HERC2: variants seen among roughly 807,000 people sequenced by gnomAD.
The protein encoded by HERC2 is E3 ubiquitin-protein ligase HERC2.
A neutral mutation model predicts 537.7 loss-of-function variants in HERC2; 102 were observed. The observed-to-expected ratio is 0.19, with a 90% CI of 0.16 to 0.22. HERC2 has a LOEUF of 0.22. Ranked by LOEUF, HERC2 falls within the 10% of genes least tolerant of loss-of-function variation. The probability of loss-of-function intolerance (pLI) is 1.00; values close to 1 mark genes in which losing one functional copy is unlikely to be tolerated. For synonymous variants in HERC2, 2,224 were observed against 2,466.2 expected (o/e 0.90, Z 2.91); for missense variants, 4,236 against 6,198.2 (o/e 0.68, Z 10.63).
chr15:28,208,957 T>C lies in HERC2; in HGVS notation c.7069+2045A>G, dbSNP rs943568993. 6.6e-5 allele frequency among the ~76,000 whole-genome samples: 10 copies of C among 152,208 alleles called. No homozygotes were observed. In the South Asian group the frequency reaches 8.3e-4, roughly 13 times the overall value. ...GGACTTTCCCCGAAAAGACTTAGCATAATGTCTTTCAATAGCAGGAGATCA... is the reference window on the plus strand; with the variant it reads ...GGACTTTCCCCGAAAAGACTTAGCACAATGTCTTTCAATAGCAGGAGATCA... On this transcript the variant is annotated intron_variant, in intron 44 of 92. Coordinates refer to ENST00000261609, the MANE Select transcript of HERC2 (RefSeq NM_004667.6).
intron 37 of HERC2, 55 bp from the exon 38 acceptor site, chr15:28,218,726 G>C (rs1900196794): frequency 7.2e-7 from 1 of 1,384,674 alleles, no homozygotes; most frequent in Admixed American, 1.7e-5. Context: ...CTGGAAGATA[G>C]TCCTGCATAT....
Position 28,130,517 on chromosome 15 carries a change from T to C in HERC2, c.12648A>G (p.Gly4216=). The C allele has an allele frequency of 1.2e-6, 2 of 1,613,820 alleles. No homozygotes were observed. The highest frequency in any genetic ancestry group is 1.7e-6 in the Non-Finnish European group (2 of 1,179,800). The change falls in exon 82 of 93, where the codon GGA becomes GGG. Residue 4216 remains glycine (G), a synonymous_variant. Coordinates refer to ENST00000261609, the MANE Select transcript of HERC2 (RefSeq NM_004667.6). ...SQFSVALTKS[G]AVYTWGKGDY... is the part of the protein sequence containing the mutation. Reference sequence around the variant, plus strand: ...ATCTTGCGTACCAGGTATAAACAGCTCCAGATTTGGTAAGGGCAACAGAAA... The same window carrying C: ...ATCTTGCGTACCAGGTATAAACAGCCCCAGATTTGGTAAGGGCAACAGAAA...
chr15:28,211,075 C>G lies in HERC2; in HGVS notation c.6996G>C (p.Leu2332=), dbSNP rs549186409. The G allele has an allele frequency of 6.2e-6, 10 of 1,611,890 alleles. No individual in the cohort carries two copies. The South Asian group carries it at 6.6e-5, about 11-fold the overall frequency. ...KLYILKAGRA[L]LSHQDKLRQI... is the part of the protein sequence containing the mutation. ...GCCGCAGTTTATCCTGGTGGGAGAG[C>G]AGCGCCCGACCTGCTTTCAGGATGT... Residue 2332 remains leucine (L), a synonymous_variant, in exon 44 of 93, where the codon CTG becomes CTC. Transcript: ENST00000261609.
rs551327935 is a variant in HERC2 at position 28,284,919 on chromosome 15, G to GAAAAAA, written c.323-4638_323-4633dup. 5.2e-4 allele frequency among the ~76,000 whole-genome samples: 17 copies of GAAAAAA among 32,546 alleles called. 2 individuals carry two copies. Among genetic ancestry groups the GAAAAAA allele is most frequent in the East Asian group, 1.0e-3 (1 of 1,000 alleles). The allele number at this position is 32,546 out of a possible 152,430, so 21.4% of individuals were successfully genotyped here. On this transcript the variant is annotated intron_variant, in intron 4 of 92. Transcript: ENST00000261609. ...GCAAAAGGAGCGAAACTCCGTCTCG[G>GAAAAAA]AAAAAAAAAAAAAAAAAAAAAAAAA...
At chr15:28,312,946 A>C (rs1459512526) in intron 2 of HERC2, 1 of 165,606 alleles carries the variant, frequency 6.0e-6, no homozygotes, top group Admixed American at 6.6e-5. Context: ...TAACAGGCTC[A>C]CTTTTTGTTA....
intron 52 of HERC2, among the ~76,000 whole-genome samples, chr15:28,194,696 G>C (rs943792082): frequency 6.6e-6 from 1 of 152,168 alleles, no homozygotes; most frequent in African/African-American, 2.4e-5. Flanking sequence ...TGGATTTTAT[G>C]AACATTTTCT....
Position 28,113,364 on chromosome 15 carries a change from C to CA in HERC2, c.14020-82dup, listed in dbSNP as rs777762654. The CA allele has an allele frequency of 1.4e-6, 2 of 1,430,354 alleles. No homozygotes were observed. The highest frequency in any genetic ancestry group is 1.9e-6 in the Non-Finnish European group (2 of 1,027,110). The allele number at this position is 1,430,354 out of a possible 1,614,324, so 88.6% of individuals were successfully genotyped here. A position where few individuals can be genotyped will look rare whatever the true frequency, so the allele number is the denominator to read the frequency against. On this transcript the variant is annotated intron_variant, in intron 91 of 92. Coordinates refer to ENST00000261609, the MANE Select transcript of HERC2 (RefSeq NM_004667.6). The surrounding 1 kb of genome is among the most constrained non-coding windows in gnomAD (Gnocchi z 7.0). ...AAGACTCCGTCACGCTCCCTCTCTA[C>CA]ACCAAGGCCTGTTTGGGGTGGGGAA...
chr15:28,193,611 AAGCCC>A (rs1897059680), intron 52 of HERC2, among the ~76,000 whole-genome samples: 1 of 152,174 alleles, frequency 6.6e-6, no homozygotes, highest in Admixed American at 6.5e-5. Context: ...CATGCCCCAG[AAGCCC>A]TACCAACCCC....
At chr15:28,130,450 A>G (rs1889988974) in intron 82 of HERC2, 53 bp downstream of exon 82, 1 of 1,579,878 alleles carries the variant, frequency 6.3e-7, no homozygotes, top group African/African-American at 1.3e-5. Context: ...TGGTGCACAT[A>G]CCCCAATAAA....
In HERC2 at chr15:28,166,075, C is replaced by T. The variant is rs554085463; in HGVS notation, c.10554+1612G>A. On this transcript the variant is annotated intron_variant, in intron 68 of 92. Coordinates refer to ENST00000261609, the MANE Select transcript of HERC2 (RefSeq NM_004667.6). ...ATGATGGGAATATGCCAGAAGAACACATAAAATTCTACCAACTACTTAAAG... is the reference window on the plus strand; with the variant it reads ...ATGATGGGAATATGCCAGAAGAACATATAAAATTCTACCAACTACTTAAAG... 2.0e-5 allele frequency among the ~76,000 whole-genome samples: 3 copies of T among 152,254 alleles called. No individual in the cohort carries two copies. The South Asian group carries it at 6.2e-4, about 32-fold the overall frequency.
At chr15:28,280,542 A>T (rs577303574) in intron 4 of HERC2, among the ~76,000 whole-genome samples, 1 of 152,242 alleles carries the variant, frequency 6.6e-6, no homozygotes, top group South Asian at 2.1e-4. Context: ...GGCCACACAG[A>T]GGAGTGCGGC....
chr15:28,171,752 T>C (rs1396135515), intron 65 of HERC2, among the ~76,000 whole-genome samples: 1 of 152,144 alleles, frequency 6.6e-6, no homozygotes, highest in Non-Finnish European at 1.5e-5. Context: ...CTGAAATTCT[T>C]AGAAATAATC....
At chr15:28,290,680 T>TG (rs1292701400) in intron 4 of HERC2, among the ~76,000 whole-genome samples, 1 of 152,130 alleles carries the variant, frequency 6.6e-6, no homozygotes, top group Admixed American at 6.6e-5. Context: ...CCCAAATACT[T>TG]GGAAATGAAA....
chr15:28,172,378 T>C (rs1894792748), intron 65 of HERC2, among the ~76,000 whole-genome samples: 1 of 152,218 alleles, frequency 6.6e-6, no homozygotes, highest in South Asian at 2.1e-4. Context: ...TCAGGTCTTT[T>C]ATAAAGCTGT....
intron 44 of HERC2, among the ~76,000 whole-genome samples, chr15:28,207,894 T>C (rs142594573): frequency 0.022 from 3,307 of 151,860 alleles, 128 homozygotes; most frequent in African/African-American, 0.076. Flanking sequence ...TGTAAACAAG[T>C]GGTGTGTCTG....
chr15:28,178,414 G>A (rs1385801928), intron 59 of HERC2, among the ~76,000 whole-genome samples: 5 of 152,240 alleles, frequency 3.3e-5, no homozygotes, highest in African/African-American at 1.2e-4. Flanking sequence ...TTACAAAGGA[G>A]AAAAGTAAAA....
intron 14 of HERC2, among the ~76,000 whole-genome samples, chr15:28,264,144 C>T (rs2075496459): frequency 6.6e-6 from 1 of 152,054 alleles, no homozygotes; most frequent in Non-Finnish European, 1.5e-5. Context: ...TTCCCACACT[C>T]TATTTTATAA....
At chr15:28,243,092 C>G (rs1223759349) in intron 23 of HERC2, among the ~76,000 whole-genome samples, 2 of 152,144 alleles carry the variant, frequency 1.3e-5, no homozygotes, top group African/African-American at 4.8e-5. Context: ...AAGATCAGAC[C>G]AGACACAAGC....
intron 78 of HERC2, among the ~76,000 whole-genome samples, chr15:28,139,342 C>T (rs1409564674): frequency 6.6e-6 from 1 of 152,220 alleles, no homozygotes; most frequent in African/African-American, 2.4e-5. Context: ...CTCCCTTGCT[C>T]TCGCTGACAG....
Sources: allele counts gnomAD v4.1 joint callset (sites outside exome capture counted in the v4.1 genomes callset), GRCh38; gene constraint gnomAD v4.1.1; non-coding constraint Gnocchi (gnomAD v3.1); transcripts MANE v1.5; gene names NCBI Gene and HGNC (gene_info 2026-07-23, HGNC 2026-07-21).